The following SGCD variants were observed in gnomAD, a reference collection of about 807,000 sequenced individuals.
The protein encoded by SGCD is sarcoglycan delta, also known as delta-sarcoglycan.
A neutral mutation model predicts 36.6 loss-of-function variants in SGCD; 18 were observed. The observed-to-expected ratio is 0.49, with a 90% CI of 0.34 to 0.73. The LOEUF (loss-of-function observed/expected upper bound fraction) is 0.73, where lower values mean the gene tolerates loss of function less well. SGCD is among the 30% of genes least tolerant of loss of function. The pLI is 0.01. For missense variants in SGCD, 387 were observed against 346.7 expected, an observed-to-expected ratio of 1.12 and a Z score of -0.92; for synonymous variants, 133 against 130.6, an observed-to-expected ratio of 1.02 and a Z score of -0.12.
chr5:156,512,365 A>G (rs559557816), intron 4 of SGCD, among the ~76,000 whole-genome samples: 21 of 152,266 alleles, frequency 1.4e-4, no homozygotes, highest in African/African-American at 4.8e-4. Flanking sequence ...ATGTTTAGAT[A>G]GATACTTCCC....
chr5:156,245,588 A>C (rs894083163), intron 3 of SGCD, among the ~76,000 whole-genome samples: 1 of 152,204 alleles, frequency 6.6e-6, no homozygotes, highest in African/African-American at 2.4e-5. Context: ...AAGCAATAAG[A>C]TTCACAAACC....
chr5:155,766,508 G>A, the SGCD span, among the ~76,000 whole-genome samples: 2 of 152,088 alleles, frequency 1.3e-5, no homozygotes, highest in Non-Finnish European at 2.9e-5. Context: ...TGATGAAAAA[G>A]CTTCCTAAGA....
chr5:156,686,486 C>T (rs1753909049), intron 7 of SGCD, among the ~76,000 whole-genome samples: 1 of 152,188 alleles, frequency 6.6e-6, no homozygotes, highest in South Asian at 2.1e-4. Context: ...TCTCATTTAG[C>T]AGTAGAACCC....
chr5:156,337,359 A>G (rs1341581717), intron 2 of SGCD, among the ~76,000 whole-genome samples: 2 of 152,200 alleles, frequency 1.3e-5, no homozygotes, highest in Non-Finnish European at 2.9e-5. Context: ...CTTGATTTGT[A>G]TCACTTGTCT....
At chr5:156,058,566 C>G (rs1020688816) in intron 1 of SGCD, among the ~76,000 whole-genome samples, 2 of 145,484 alleles carry the variant, frequency 1.4e-5, no homozygotes, top group Admixed American at 1.4e-4. Flanking sequence ...AGGAGACATA[C>G]TGATCAATAG....
At chr5:156,028,925 G>C (rs904248708) in intron 1 of SGCD, among the ~76,000 whole-genome samples, 9 of 152,146 alleles carry the variant, frequency 5.9e-5, no homozygotes. Flanking sequence ...ATCACAAACT[G>C]TATCTGCTGC....
chr5:155,784,576 A>G, the SGCD span, among the ~76,000 whole-genome samples: 14 of 150,424 alleles, frequency 9.3e-5, no homozygotes, highest in African/African-American at 2.4e-4. Context: ...GGTGAGGGGC[A>G]TGATGTGGTA....
At chr5:156,548,934 C>A (rs1419064708) in intron 4 of SGCD, among the ~76,000 whole-genome samples, 3 of 152,134 alleles carry the variant, frequency 2.0e-5, no homozygotes, top group Non-Finnish European at 4.4e-5. Context: ...AGGTAAACAT[C>A]ACAGCACTTT....
At chr5:155,736,599 A>G in the SGCD span, among the ~76,000 whole-genome samples, 2 of 152,148 alleles carry the variant, frequency 1.3e-5, no homozygotes, top group Non-Finnish European at 2.9e-5. Context: ...CCTGAGTAGG[A>G]TATTGTTAAT....
At chr5:156,044,499 T>C (rs1037887885) in intron 1 of SGCD, among the ~76,000 whole-genome samples, 39 of 152,286 alleles carry the variant, frequency 2.6e-4, no homozygotes, top group African/African-American at 8.7e-4. Context: ...ATCTTGCCAA[T>C]AGGCAAGTGA....
chr5:156,000,479 G>C (rs1192101135), intron 1 of SGCD, among the ~76,000 whole-genome samples: 1 of 152,174 alleles, frequency 6.6e-6, no homozygotes, highest in Non-Finnish European at 1.5e-5. Flanking sequence ...TGTTCTAAAG[G>C]AGTGGCTTTC....
At chr5:156,249,319 G>T (rs555172980) in intron 3 of SGCD, among the ~76,000 whole-genome samples, 1 of 152,282 alleles carries the variant, frequency 6.6e-6, no homozygotes, top group East Asian at 1.9e-4. Context: ...GGAGATGAGA[G>T]TGTTCAATTA....
chr5:156,091,987 C>T (rs945884712), intron 1 of SGCD, among the ~76,000 whole-genome samples: 2 of 152,226 alleles, frequency 1.3e-5, no homozygotes, highest in Non-Finnish European at 1.5e-5. Flanking sequence ...ACATCCAGAT[C>T]TATGCCTTGT....
chr5:156,402,644 A>C (rs1223574635), intron 3 of SGCD, among the ~76,000 whole-genome samples: 9 of 152,216 alleles, frequency 5.9e-5, no homozygotes. Context: ...AACTTGCAAG[A>C]ATGCTTGCAT....
At chr5:156,634,323 G>A (rs1451310399) in intron 6 of SGCD, among the ~76,000 whole-genome samples, 1 of 152,194 alleles carries the variant, frequency 6.6e-6, no homozygotes, top group Non-Finnish European at 1.5e-5. Flanking sequence ...CTTAATTCCT[G>A]GGTGATGAGT....
chr5:156,022,909 G>A (rs908872220), intron 1 of SGCD, among the ~76,000 whole-genome samples: 2 of 152,172 alleles, frequency 1.3e-5, no homozygotes, highest in Non-Finnish European at 2.9e-5. Flanking sequence ...CGCACAGAGT[G>A]AAAATACGGT....
chr5:156,264,635 A>C lies in SGCD; in HGVS notation c.-43-64899A>C, dbSNP rs539899496. On this transcript the variant is annotated intron_variant, in intron 3 of 9. Transcript: ENST00000517913. ...CCCATGTAAGAGTTGCTTCAGATTT[A>C]AATTAGATAATGCATTAGAAAGTAC... Among the ~76,000 whole-genome samples the C allele has an allele frequency of 2.0e-5, 3 of 152,220 alleles. No homozygotes were observed. In the South Asian group the frequency reaches 6.2e-4, roughly 32 times the overall value.
chr5:156,278,072 C>T (rs1417997573), intron 3 of SGCD, among the ~76,000 whole-genome samples: 1 of 152,094 alleles, frequency 6.6e-6, no homozygotes, highest in Admixed American at 6.6e-5. Flanking sequence ...GATGCTTGAG[C>T]TGGAACTTAA....
chr5:156,023,911 T>C (rs1181690198), intron 1 of SGCD, among the ~76,000 whole-genome samples: 2 of 152,210 alleles, frequency 1.3e-5, no homozygotes, highest in African/African-American at 2.4e-5. Context: ...ACTTTGACGC[T>C]TCTCAAGAGA....
Sources: gnomAD v4.1 joint callset for allele counts (sites outside exome capture counted in the v4.1 genomes callset) on GRCh38, gnomAD v4.1.1 for gene constraint, MANE v1.5 for transcripts, NCBI Gene and HGNC (gene_info 2026-07-23, HGNC 2026-07-21) for gene names.